TENM2: variants seen among roughly 807,000 people sequenced by gnomAD.
The protein encoded by TENM2 is teneurin transmembrane protein 2, also known as teneurin-2.
In TENM2, 52 loss-of-function variants were observed where a neutral mutation model predicts 245.2. That is an observed-to-expected ratio of 0.21 (90% CI 0.17 to 0.27). The LOEUF (loss-of-function observed/expected upper bound fraction) is 0.27, where lower values mean the gene tolerates loss of function less well. Among genes scored for constraint, TENM2 ranks in the 10% least tolerant of loss-of-function variants. The pLI, the probability that TENM2 is intolerant of heterozygous loss-of-function variation, is 1.00. For missense variants in TENM2, 3,046 were observed against 3,666.8 expected (o/e 0.83, Z 4.37); for synonymous variants, 1,363 against 1,438.9 (o/e 0.95, Z 1.19).
At chr5:168,195,859 A>G (rs1761387940) in intron 15 of TENM2, among the ~76,000 whole-genome samples, 1 of 152,038 alleles carries the variant, frequency 6.6e-6, no homozygotes, top group African/African-American at 2.4e-5. Context: ...GAAGGAGGCA[A>G]CCTTTCCCTA....
chr5:167,733,666 T>A (rs975164731), intron 2 of TENM2, among the ~76,000 whole-genome samples: 1 of 152,244 alleles, frequency 6.6e-6, no homozygotes, highest in Non-Finnish European at 1.5e-5. Context: ...TTTACATATG[T>A]AGCTGCTAAC....
chr5:167,030,907 G>A, the TENM2 span, among the ~76,000 whole-genome samples: 1 of 152,158 alleles, frequency 6.6e-6, no homozygotes, highest in Non-Finnish European at 1.5e-5. Context: ...GTATTATAAC[G>A]GAAAGGCCTT....
chr5:167,211,043 CAG>C, the TENM2 span, among the ~76,000 whole-genome samples: 4 of 152,112 alleles, frequency 2.6e-5, no homozygotes, highest in East Asian at 1.9e-4. Flanking sequence ...GGGAGGGACT[CAG>C]GGGAGGCTCC....
At chr5:167,210,653 C>T in the TENM2 span, among the ~76,000 whole-genome samples, 2 of 151,360 alleles carry the variant, frequency 1.3e-5, no homozygotes, top group Non-Finnish European at 2.9e-5. Context: ...TTAGTAGAGA[C>T]GGGGTTTCAC....
chr5:168,199,957 A>C lies in TENM2; in HGVS notation c.3256A>C (p.Thr1086Pro). ...AGGGTACAAGTCACTGCTGAAGATC[A>C]CCATGACCCAGTCCACAGTGCCCCT... is the stretch of plus-strand genomic sequence containing the variant. Residue 1086 changes from threonine to proline, a missense_variant, in exon 17 of 29, where the codon ACC (threonine) becomes CCC (proline). This residue lies in a region of TENM2 where 2,704 missense variants were observed against 3,331.9 expected (regional missense o/e 0.81). Coordinates refer to ENST00000518659, the Ensembl canonical transcript of TENM2. 3 of 1,613,978 alleles carry C rather than the reference A, an allele frequency of 1.9e-6. No individual in the cohort carries two copies. Among genetic ancestry groups the C allele is most frequent in the Non-Finnish European group, 1.7e-6 (2 of 1,179,894 alleles).
At chr5:167,819,058 C>CTGTGTG (rs145489126) in intron 2 of TENM2, among the ~76,000 whole-genome samples, 191 of 147,658 alleles carry the variant, frequency 1.3e-3, no homozygotes, top group Admixed American at 3.5e-3. Context: ...TGGTGTGTGA[C>CTGTGTG]TGTGTGTGTG....
chr5:167,755,227 T>G, intron 2 of TENM2: 2 of 1,511,396 alleles, frequency 1.3e-6, no homozygotes, highest in Non-Finnish European at 1.8e-6. Context: ...GATGGGGTTT[T>G]GCAAGCACCT....
At chr5:167,101,116 A>C in the TENM2 span, among the ~76,000 whole-genome samples, 30 of 152,358 alleles carry the variant, frequency 2.0e-4, no homozygotes, top group Non-Finnish European at 3.8e-4. Flanking sequence ...GAAGCTTTGA[A>C]TGTCTGTGCT....
intron 2 of TENM2, among the ~76,000 whole-genome samples, chr5:167,558,548 C>G (rs146856993): frequency 6.6e-6 from 1 of 152,116 alleles, no homozygotes; most frequent in African/African-American, 2.4e-5. Context: ...GCATTAGATT[C>G]GCATAGGAGC....
intron 7 of TENM2, among the ~76,000 whole-genome samples, chr5:168,081,341 G>A (rs1791977885): frequency 6.6e-6 from 1 of 152,058 alleles, no homozygotes; most frequent in African/African-American, 2.4e-5. Flanking sequence ...CATGTGGGAT[G>A]GGTCTCCTGA....
chr5:167,557,359 C>T (rs528243177), intron 2 of TENM2, among the ~76,000 whole-genome samples: 2 of 152,310 alleles, frequency 1.3e-5, no homozygotes, highest in African/African-American at 4.8e-5. Flanking sequence ...AAGCTAAGAG[C>T]ATGAGCTCTG....
intron 2 of TENM2, among the ~76,000 whole-genome samples, chr5:167,538,750 A>G (rs1772007541): frequency 6.6e-6 from 1 of 152,226 alleles, no homozygotes; most frequent in Non-Finnish European, 1.5e-5. Context: ...TTTGAAAAAC[A>G]GAACTTTCTG....
At chr5:167,447,799 T>C (rs1582074402) in intron 2 of TENM2, among the ~76,000 whole-genome samples, 1 of 152,358 alleles carries the variant, frequency 6.6e-6, no homozygotes, top group East Asian at 1.9e-4. Context: ...GCTGTCTTTC[T>C]TAATGAATGG....
the TENM2 span, among the ~76,000 whole-genome samples, chr5:167,276,062 T>A: frequency 1.3e-5 from 2 of 152,092 alleles, no homozygotes; most frequent in East Asian, 1.9e-4. Flanking sequence ...TTGTTCATGG[T>A]GTGTAATTGT....
chr5:168,111,865 TCTTAC>T (rs200489016), intron 9 of TENM2, among the ~76,000 whole-genome samples: 1,963 of 152,346 alleles, frequency 0.013, 103 homozygotes, highest in Admixed American at 0.093. Flanking sequence ...GAGTATCTTG[TCTTAC>T]CTTTATTGGC....
intron 2 of TENM2, among the ~76,000 whole-genome samples, chr5:167,758,448 C>T (rs1396524193): frequency 6.6e-6 from 1 of 152,036 alleles, no homozygotes; most frequent in African/African-American, 2.4e-5. Context: ...GAGGCAGGGG[C>T]ACTTCCTACC....
At chr5:166,979,194 C>CCAGCAGCAGCAGCAG in the TENM2 span, among the ~76,000 whole-genome samples, 6,368 of 142,068 alleles carry the variant, frequency 0.045, 256 homozygotes, top group Admixed American at 0.12. Flanking sequence ...AGCACCACCA[C>CCAGCAGCAGCAGCAG]CAGCAGCAGC....
intron 2 of TENM2, among the ~76,000 whole-genome samples, chr5:167,553,182 G>A (rs1208120672): frequency 6.6e-6 from 1 of 152,204 alleles, no homozygotes; most frequent in Non-Finnish European, 1.5e-5. Flanking sequence ...ATGAAGAATA[G>A]TGAACTATGT....
chr5:168,018,841 G>A (rs150486284), intron 5 of TENM2, among the ~76,000 whole-genome samples: 70 of 152,238 alleles, frequency 4.6e-4, no homozygotes, highest in African/African-American at 1.5e-3. Flanking sequence ...GCAGAAATGG[G>A]TGACTGAGGT....
Sources: gnomAD v4.1 joint callset for allele counts (sites outside exome capture counted in the v4.1 genomes callset) on GRCh38, gnomAD v4.1.1 for gene constraint, gnomAD v4.1.1 regional missense constraint, MANE v1.5 for transcripts, NCBI Gene and HGNC (gene_info 2026-07-23, HGNC 2026-07-21) for gene names.